SV2C: variants seen among roughly 807,000 people sequenced by gnomAD.
SV2C encodes the protein synaptic vesicle glycoprotein 2C.
SV2C carries 49 observed loss-of-function variants against 79.7 expected under a neutral mutation model. The observed-to-expected ratio is 0.61, with a 90% confidence interval of 0.49 to 0.78. The LOEUF is 0.78. SV2C is among the 30% of genes least tolerant of loss of function. SV2C has a pLI of 0.00. For missense variants in SV2C, 833 were observed against 912.9 expected (o/e 0.91, Z 1.13); for synonymous variants, 334 against 333.2 (o/e 1.00, Z -0.03).
chr5:75,861,979 A>C, the SV2C span, among the ~76,000 whole-genome samples: 4 of 152,212 alleles, frequency 2.6e-5, no homozygotes, highest in African/African-American at 7.2e-5. Context: ...TGAAAGTTGA[A>C]GTTAATTTTA....
At chr5:76,164,148 C>G (rs2112255060) in intron 2 of SV2C, among the ~76,000 whole-genome samples, 1 of 152,316 alleles carries the variant, frequency 6.6e-6, no homozygotes, top group South Asian at 2.1e-4. Context: ...ACTTCAACTA[C>G]CTCCTTTCTT....
chr5:76,237,975 C>CACAT (rs932881518), intron 4 of SV2C, among the ~76,000 whole-genome samples: 2 of 140,506 alleles, frequency 1.4e-5, no homozygotes, highest in African/African-American at 6.2e-5. Context: ...GACTAACACA[C>CACAT]ACACACACAC....
At chr5:76,224,797 G>C (rs996995253) in intron 4 of SV2C, among the ~76,000 whole-genome samples, 5 of 152,118 alleles carry the variant, frequency 3.3e-5, no homozygotes, top group African/African-American at 4.8e-5. Context: ...CTACCCATCT[G>C]TTCTTCACAA....
At chr5:76,317,048 G>A (rs567016286) in intron 12 of SV2C, among the ~76,000 whole-genome samples, 36 of 152,068 alleles carry the variant, frequency 2.4e-4, no homozygotes, top group Non-Finnish European at 2.1e-4. Context: ...TGAAAAAAAC[G>A]CATAGAATAT....
chr5:76,322,331 G>A (rs1222209679), intron 12 of SV2C, among the ~76,000 whole-genome samples: 2 of 152,178 alleles, frequency 1.3e-5, no homozygotes, highest in African/African-American at 4.8e-5. Flanking sequence ...ATTTACAAGG[G>A]CTGTGAAGGA....
chr5:76,323,716 A>G (rs1748900516), intron 12 of SV2C, among the ~76,000 whole-genome samples: 1 of 152,240 alleles, frequency 6.6e-6, no homozygotes, highest in Admixed American at 6.5e-5. Context: ...ATAAAAAAGG[A>G]ATGAGATAAT....
In SV2C at chr5:76,272,878, A is replaced by C. The variant is rs184241993; in HGVS notation, c.914-12284A>C. Reference sequence around the variant, plus strand: ...GATTTGTTATTATTCATCCACAGACATCAGCTAATATAATAGTTTATATAT... The same window carrying C: ...GATTTGTTATTATTCATCCACAGACCTCAGCTAATATAATAGTTTATATAT... On this transcript the variant is annotated intron_variant, in intron 4 of 12. Coordinates refer to ENST00000502798, the MANE Select transcript of SV2C (RefSeq NM_014979.4). 1.8e-3 allele frequency among the ~76,000 whole-genome samples: 281 copies of C among 152,268 alleles called. 2 individuals carry two copies. Among genetic ancestry groups the C allele is most frequent in the African/African-American group, 6.4e-3 (267 of 41,562 alleles).
the SV2C span, among the ~76,000 whole-genome samples, chr5:76,058,683 G>A: frequency 6.6e-6 from 1 of 152,100 alleles, no homozygotes; most frequent in Non-Finnish European, 1.5e-5. Context: ...AATAAATTGT[G>A]AGATAATTTG....
intron 2 of SV2C, among the ~76,000 whole-genome samples, chr5:76,187,648 C>A (rs534492708): frequency 6.6e-6 from 1 of 151,424 alleles, no homozygotes; most frequent in Non-Finnish European, 1.5e-5. Context: ...TGCTTTTGAA[C>A]ACATAATGGC....
downstream of SV2C, among the ~76,000 whole-genome samples, chr5:76,338,059 G>A (rs1444318427): frequency 6.6e-6 from 1 of 152,230 alleles, no homozygotes; most frequent in Non-Finnish European, 1.5e-5. Context: ...CAATCCCTTT[G>A]TTCGGTGGGG....
the SV2C span, among the ~76,000 whole-genome samples, chr5:75,865,016 G>A: frequency 2.6e-5 from 4 of 152,194 alleles, no homozygotes; most frequent in African/African-American, 9.7e-5. Flanking sequence ...AGCTCCAGAG[G>A]GAGAATCACA....
intron 2 of SV2C, among the ~76,000 whole-genome samples, chr5:76,186,627 G>T (rs1424416301): frequency 6.6e-6 from 1 of 152,182 alleles, no homozygotes; most frequent in East Asian, 1.9e-4. Flanking sequence ...AGGAGGCGGT[G>T]GTTGCAGTGA....
chr5:75,952,933 A>G, the SV2C span, among the ~76,000 whole-genome samples: 1 of 151,974 alleles, frequency 6.6e-6, no homozygotes, highest in African/African-American at 2.4e-5. Context: ...TCCAAACACA[A>G]ATACTCAAGT....
intron 12 of SV2C, among the ~76,000 whole-genome samples, chr5:76,340,493 A>T (rs562990884): frequency 1.3e-5 from 2 of 152,346 alleles, no homozygotes; most frequent in African/African-American, 4.8e-5. Flanking sequence ...ATGTGGGCAC[A>T]GTGGGCAGCA....
chr5:76,178,230 C>T (rs1362631022), intron 2 of SV2C, among the ~76,000 whole-genome samples: 6 of 152,156 alleles, frequency 3.9e-5, no homozygotes, highest in Non-Finnish European at 8.8e-5. Flanking sequence ...CTGTCATACA[C>T]TATTCATTCA....
chr5:76,012,237 C>T, the SV2C span, among the ~76,000 whole-genome samples: 12 of 152,232 alleles, frequency 7.9e-5, no homozygotes, highest in South Asian at 2.1e-4. Flanking sequence ...AGTGTAAAAG[C>T]GTTCCTACTT....
chr5:76,187,246 C>T (rs373427226), intron 2 of SV2C, among the ~76,000 whole-genome samples: 15 of 152,206 alleles, frequency 9.9e-5, no homozygotes, highest in African/African-American at 3.4e-4. Context: ...ATTTGAGGAA[C>T]GACATTAGAG....
chr5:76,082,846 T>C (rs1169647976), upstream of SV2C, among the ~76,000 whole-genome samples: 1 of 152,098 alleles, frequency 6.6e-6, no homozygotes, highest in Non-Finnish European at 1.5e-5. Flanking sequence ...GCAACCTAGC[T>C]CTGCCTGGTT....
At chr5:75,938,407 A>G in the SV2C span, among the ~76,000 whole-genome samples, 2 of 152,238 alleles carry the variant, frequency 1.3e-5, no homozygotes, top group Non-Finnish European at 2.9e-5. Flanking sequence ...GCAAATGCCC[A>G]TCAGTGGTAG....
Sources: gnomAD v4.1 joint callset for allele counts (sites outside exome capture counted in the v4.1 genomes callset) on GRCh38, gnomAD v4.1.1 for gene constraint, MANE v1.5 for transcripts, NCBI Gene and HGNC (gene_info 2026-07-23, HGNC 2026-07-21) for gene names.